SRGAP3: variants seen among roughly 807,000 people sequenced by gnomAD.
SRGAP3 encodes SLIT-ROBO Rho GTPase-activating protein 3.
SRGAP3 carries 39 observed loss-of-function variants against 121.1 expected under a neutral mutation model. The ratio of observed to expected loss-of-function variants is 0.32; its 90% CI spans 0.25 to 0.42. SRGAP3 has a LOEUF of 0.42. Ranked by LOEUF, SRGAP3 falls within the 10% of genes least tolerant of loss-of-function variation. The pLI, the probability that SRGAP3 is intolerant of heterozygous loss-of-function variation, is 1.00. For synonymous variants in SRGAP3, 601 were observed against 570.0 expected, an observed-to-expected ratio of 1.05 and a Z score of -0.77; for missense variants, 1,213 against 1,470.6, an observed-to-expected ratio of 0.82 and a Z score of 2.86.
chr3:9,123,730 A>ATGTGTGTGTGTGTG (rs1156597319), intron 2 of SRGAP3, among the ~76,000 whole-genome samples: 5 of 110,240 alleles, frequency 4.5e-5, no homozygotes, highest in Non-Finnish European at 5.5e-5. Context: ...ATATATGTAT[A>ATGTGTGTGTGTGTG]TATGTGTGTG....
chr3:9,132,998 T>C (rs1244434360), intron 1 of SRGAP3, among the ~76,000 whole-genome samples: 3 of 149,674 alleles, frequency 2.0e-5, no homozygotes, highest in Admixed American at 1.3e-4. Flanking sequence ...GGCATATATA[T>C]AAAACATATA....
chr3:9,012,039 T>C (rs1266438788), intron 17 of SRGAP3, among the ~76,000 whole-genome samples: 24 of 152,214 alleles, frequency 1.6e-4, no homozygotes. Context: ...GAAATTATGC[T>C]TGCCAGCTGT....
chr3:9,113,660 G>A (rs947165039), intron 2 of SRGAP3, among the ~76,000 whole-genome samples: 15 of 152,048 alleles, frequency 9.9e-5, no homozygotes, highest in Admixed American at 5.2e-4. Context: ...TAATCCCCAC[G>A]TGTCATGGGT....
rs191644105 is a variant in SRGAP3 at position 9,015,710 on chromosome 3, T to A, written c.1700A>T (p.Asp567Val). 2.5e-6 allele frequency: 4 copies of A among 1,614,186 alleles called. No homozygotes were observed. In the African/African-American group the frequency reaches 5.3e-5, roughly 22 times the overall value. ...FERGEDPLVD[D>V]QNERDINSVA... Reference sequence around the variant, plus strand: ...TGAATTGATATCTCGTTCATTTTGATCGTCCACAAGGGGGTCTTCACCTGA... The same window carrying A: ...TGAATTGATATCTCGTTCATTTTGAACGTCCACAAGGGGGTCTTCACCTGA... The change falls in exon 15 of 22, where the codon GAT becomes GTT. Residue 567 changes from aspartate (D) to valine (V), a missense_variant. Coordinates refer to ENST00000383836, the MANE Select transcript of SRGAP3 (RefSeq NM_014850.4).
chr3:9,068,332 G>T (rs1229189974), intron 4 of SRGAP3, among the ~76,000 whole-genome samples: 1 of 152,042 alleles, frequency 6.6e-6, no homozygotes, highest in Non-Finnish European at 1.5e-5. Context: ...CATATCCTTT[G>T]CCTAGTTTTC....
chr3:9,154,124 C>A (rs904021961), intron 1 of SRGAP3, among the ~76,000 whole-genome samples: 1 of 152,130 alleles, frequency 6.6e-6, no homozygotes, highest in Non-Finnish European at 1.5e-5. Flanking sequence ...CCACTGCAGC[C>A]CCGCTTTCCA....
chr3:9,225,304 G>A (rs1375186424), intron 1 of SRGAP3, among the ~76,000 whole-genome samples: 1 of 152,118 alleles, frequency 6.6e-6, no homozygotes, highest in Non-Finnish European at 1.5e-5. Context: ...ACCTTCTCAG[G>A]GCAAGGATGG....
intron 18 of SRGAP3, among the ~76,000 whole-genome samples, chr3:8,995,232 G>A (rs2124951519): frequency 6.6e-6 from 1 of 152,322 alleles, no homozygotes; most frequent in African/African-American, 2.4e-5. Flanking sequence ...AACACTTCGG[G>A]AGGCTGAGGC....
intron 12 of SRGAP3, among the ~76,000 whole-genome samples, chr3:9,027,735 G>A (rs1944286321): frequency 6.6e-6 from 1 of 152,202 alleles, no homozygotes; most frequent in African/African-American, 2.4e-5. Context: ...TTATGGCGGA[G>A]GGGAAACATT....
At chr3:9,269,480 C>A (rs1004031976) in intron 3 of SRGAP3, among the ~76,000 whole-genome samples, 2 of 152,146 alleles carry the variant, frequency 1.3e-5, no homozygotes, top group Non-Finnish European at 2.9e-5. Flanking sequence ...TCCTCAAGAC[C>A]AATTCTTATT....
chr3:9,362,378 G>A (rs1047894200), intron 1 of SRGAP3, among the ~76,000 whole-genome samples: 1 of 150,560 alleles, frequency 6.6e-6, no homozygotes, highest in Non-Finnish European at 1.5e-5. Context: ...TGGCCAGCCT[G>A]GCCTCAAACT....
At chr3:9,338,922 T>C (rs997894923) in intron 1 of SRGAP3, among the ~76,000 whole-genome samples, 2 of 152,192 alleles carry the variant, frequency 1.3e-5, no homozygotes, top group Non-Finnish European at 2.9e-5. Context: ...CCATACACAG[T>C]AGGTTTTAGA....
chr3:8,990,356 A>G (rs2124925172), intron 21 of SRGAP3, among the ~76,000 whole-genome samples, 156 bp downstream of exon 21: 1 of 152,312 alleles, frequency 6.6e-6, no homozygotes, highest in African/African-American at 2.4e-5. Flanking sequence ...TCCCACGGGA[A>G]GCCCAGCAAG....
chr3:9,288,130 G>GTTTTTTTTTTTTTTTTTTTTTTTTTTT (rs57076828), intron 3 of SRGAP3, among the ~76,000 whole-genome samples: 1 of 119,100 alleles, frequency 8.4e-6, no homozygotes, highest in Non-Finnish European at 1.7e-5. Flanking sequence ...TTCTATCTTT[G>GTTTTTTTTTTTTTTTTTTTTTTTTTTT]TTTTTTTTTT....
At chr3:9,315,163 T>C (rs528286567) in intron 3 of SRGAP3, among the ~76,000 whole-genome samples, 2 of 152,328 alleles carry the variant, frequency 1.3e-5, no homozygotes, top group South Asian at 4.1e-4. Flanking sequence ...GTTGGCTTCA[T>C]TCAGCCCCAG....
intron 1 of SRGAP3, among the ~76,000 whole-genome samples, chr3:9,179,615 C>G (rs1021442060): frequency 2.0e-5 from 3 of 152,210 alleles, no homozygotes; most frequent in Non-Finnish European, 2.9e-5. Flanking sequence ...ATTCCTGCTC[C>G]TGCTCTTCAC....
intron 1 of SRGAP3, among the ~76,000 whole-genome samples, chr3:9,134,157 G>T (rs1200719009): frequency 6.6e-6 from 1 of 152,160 alleles, no homozygotes; most frequent in African/African-American, 2.4e-5. Context: ...GCCTGCAGAT[G>T]GCTTTCCTGG....
intron 18 of SRGAP3, among the ~76,000 whole-genome samples, chr3:8,998,789 G>C (rs780836750): frequency 3.9e-5 from 6 of 151,996 alleles, no homozygotes; most frequent in Non-Finnish European, 7.4e-5. Context: ...CTGGTACCAG[G>C]TGTTCTACTT....
Position 9,041,703 on chromosome 3 carries a change from T to C in SRGAP3, c.1409-3613A>G, listed in dbSNP as rs1433865831. On this transcript the variant is annotated intron_variant, in intron 10 of 21. Coordinates refer to ENST00000383836, the MANE Select transcript of SRGAP3 (RefSeq NM_014850.4). ...TCCAAAAATGCTCTCCGTTTCCTAA[T>C]ATTCTCAAGAACTGCTTCCAGTTCA... 2.0e-5 allele frequency among the ~76,000 whole-genome samples: 3 copies of C among 152,224 alleles called. No homozygotes were observed. In the South Asian group the frequency reaches 6.2e-4, roughly 32 times the overall value.
Sources: allele counts gnomAD v4.1 joint callset (sites outside exome capture counted in the v4.1 genomes callset), GRCh38; gene constraint gnomAD v4.1.1; transcripts MANE v1.5; gene names NCBI Gene and HGNC (gene_info 2026-07-23, HGNC 2026-07-21).